MTR: variants seen among roughly 807,000 people sequenced by gnomAD.
MTR encodes methionine synthase.
Under a neutral mutation model 154.8 loss-of-function variants are expected in MTR, and 84 were observed. That is an observed-to-expected ratio of 0.54 (90% CI 0.45 to 0.65). The LOEUF (loss-of-function observed/expected upper bound fraction) is 0.65. Ranked by LOEUF, MTR falls within the 30% of genes least tolerant of loss-of-function variation. The pLI, the probability that MTR is intolerant of heterozygous loss-of-function variation, is 0.00. For synonymous variants in MTR, 554 were observed against 553.9 expected, an observed-to-expected ratio of 1.00 and a Z score of 0.00; for missense variants, 1,275 against 1,570.2, an observed-to-expected ratio of 0.81 and a Z score of 3.18.
At position 236,876,368 on chromosome 1, in the gene MTR, G is replaced by C. The variant is rs140182655; in HGVS notation, c.2594+1522G>C. Among the ~76,000 whole-genome samples, 397 of 152,282 alleles carry C rather than the reference G, an allele frequency of 2.6e-3. 4 individuals carry two copies. The highest frequency in any genetic ancestry group is 8.5e-3 in the African/African-American group (354 of 41,562). On this transcript the variant is annotated intron_variant, in intron 24 of 32. Coordinates refer to ENST00000366577, the MANE Select transcript of MTR (RefSeq NM_000254.3). The stretch of plus-strand genomic sequence containing the variant: ...ACAAAGGACTTATGTACCAGGAAAT[G>C]TGGCAGACTTGGTCTCAAGGGATAT...
In MTR at chr1:236,895,402, G is replaced by C. The variant is rs1311964329; in HGVS notation, c.3450G>C (p.Trp1150Cys). 3 of 1,605,142 alleles carry C rather than the reference G, an allele frequency of 1.9e-6. No individual in the cohort carries two copies. Among genetic ancestry groups the C allele is most frequent in the Non-Finnish European group, 2.6e-6 (3 of 1,175,576 alleles). Residue 1150 changes from tryptophan (W) to cysteine (C), a missense_variant, in exon 31 of 33, where the codon TGG (tryptophan) becomes TGC (cysteine). By Grantham distance (215) the Trp-to-Cys change is radical. Transcript: ENST00000366577. The stretch of plus-strand genomic sequence containing the variant: ...ATGAAAGAGTTCGCCGAGAACTGTG[G>C]GCCTACTGTGGCAGTGAGCAGCTGG... ...ELHERVRRELWAYCGSEQLDV... is the reference protein window; with the variant it reads ...ELHERVRRELCAYCGSEQLDV...
At chr1:236,797,532 A>G (rs570555857) in intron 1 of MTR, among the ~76,000 whole-genome samples, 91 of 152,244 alleles carry the variant, frequency 6.0e-4, no homozygotes, top group African/African-American at 1.8e-3. Context: ...GTGAATTGGT[A>G]TCAATTGATG....
intron 24 of MTR, among the ~76,000 whole-genome samples, chr1:236,880,236 G>A (rs1278374809): frequency 6.6e-6 from 1 of 152,170 alleles, no homozygotes; most frequent in Non-Finnish European, 1.5e-5. Context: ...TTTCAGGTTT[G>A]GGGTTCCATA....
At chr1:236,826,957 A>G (rs1662323924) in intron 11 of MTR, 61 bp downstream of exon 11, 2 of 1,463,646 alleles carry the variant, frequency 1.4e-6, no homozygotes, top group African/African-American at 1.4e-5. Context: ...AATAATCTAA[A>G]TATGTACTTT....
intron 14 of MTR, 122 bp downstream of exon 14, chr1:236,835,809 A>G: frequency 7.6e-7 from 1 of 1,318,410 alleles, no homozygotes; most frequent in South Asian, 1.2e-5. Context: ...CTCAACATCG[A>G]AAACAGGGTA....
At chr1:236,897,308 A>ATGCGCGCGTG (rs57608445) in intron 32 of MTR, among the ~76,000 whole-genome samples, 190 bp downstream of exon 32, 1 of 131,456 alleles carries the variant, frequency 7.6e-6, no homozygotes, top group African/African-American at 3.0e-5. Flanking sequence ...AGCCACACAC[A>ATGCGCGCGTG]CGCACACACA....
rs757981904 is a variant in MTR at position 236,841,534 on chromosome 1, A to C, written c.1515+2935A>C. ...CTCCAAGTCTTCTGACATGAGCTGG[A>C]AGTAGGCCAGCTGCACAGCTGTGAC... On this transcript the variant is annotated intron_variant, in intron 15 of 32. Coordinates refer to ENST00000366577, the MANE Select transcript of MTR (RefSeq NM_000254.3). 1.8e-4 allele frequency among the ~76,000 whole-genome samples: 27 copies of C among 152,296 alleles called. 2 individuals are homozygous for C. The highest frequency in any genetic ancestry group is 5.9e-5 in the Non-Finnish European group (4 of 68,010).
chr1:236,803,120 CA>C (rs1337001303), intron 1 of MTR, among the ~76,000 whole-genome samples: 6 of 152,114 alleles, frequency 3.9e-5, no homozygotes, highest in Admixed American at 3.9e-4. Context: ...GGAAAGAGAG[CA>C]AAGTCTTGTA....
Position 236,822,271 on chromosome 1 carries a change from TG to T in MTR, c.765-1847del, listed in dbSNP as rs1319024994. 5.2e-4 allele frequency among the ~76,000 whole-genome samples: 79 copies of T among 152,114 alleles called. 1 individual carries two copies. The highest frequency in any genetic ancestry group is 1.9e-3 in the African/African-American group (79 of 41,562). ...TTCATATAGATCCAAATATTTCATTTGTTTTGGTGCTAGTGTAAATGGTTTT... is the reference window on the plus strand; with the variant it reads ...TTCATATAGATCCAAATATTTCATTTTTTTGGTGCTAGTGTAAATGGTTTT... On this transcript the variant is annotated intron_variant, in intron 8 of 32. Transcript: ENST00000366577.
chr1:236,798,325 C>G (rs1425389814), intron 1 of MTR, among the ~76,000 whole-genome samples: 1 of 152,168 alleles, frequency 6.6e-6, no homozygotes, highest in East Asian at 1.9e-4. Flanking sequence ...TTGTTTAGGC[C>G]TTCATCTTGT....
chr1:236,808,808 G>A, intron 4 of MTR, 35 bp downstream of exon 4: 2 of 1,592,802 alleles, frequency 1.3e-6, no homozygotes, highest in South Asian at 1.1e-5. Context: ...TGCACACGTG[G>A]TTCCTTTGAT....
intron 16 of MTR, 112 bp downstream of exon 16, chr1:236,850,635 T>G: frequency 9.4e-7 from 1 of 1,062,048 alleles, no homozygotes; most frequent in African/African-American, 1.6e-5. Context: ...TTAACATTCT[T>G]AGTTAGTAAA....
intron 10 of MTR, 132 bp downstream of exon 10, chr1:236,825,531 C>T: frequency 1.1e-6 from 1 of 942,836 alleles, no homozygotes; most frequent in East Asian, 2.5e-5. Flanking sequence ...TTTAGCTATC[C>T]CAAATTAAGG....
chr1:236,843,168 C>T (rs900245051), intron 15 of MTR, among the ~76,000 whole-genome samples: 4 of 151,362 alleles, frequency 2.6e-5, no homozygotes, highest in Admixed American at 2.0e-4. Context: ...AGGATTTGAT[C>T]CCCCCTCAGC....
intron 13 of MTR, among the ~76,000 whole-genome samples, chr1:236,833,955 G>A (rs973525127): frequency 6.6e-5 from 10 of 152,040 alleles, no homozygotes; most frequent in African/African-American, 2.4e-4. Flanking sequence ...CTCCATTTTG[G>A]TTTGTAGAGA....
intron 15 of MTR, among the ~76,000 whole-genome samples, chr1:236,847,013 A>G (rs1482450555): frequency 1.3e-5 from 2 of 152,092 alleles, no homozygotes; most frequent in Non-Finnish European, 2.9e-5. Flanking sequence ...CAGCCTCCCA[A>G]GTAGCTGGGA....
chr1:236,810,458 G>A (rs761186622), intron 4 of MTR, 45 bp from the exon 5 acceptor site: 3 of 1,495,632 alleles, frequency 2.0e-6, no homozygotes, highest in Admixed American at 1.7e-5. Flanking sequence ...GACAAAAAAT[G>A]TTCAGCCACT....
At position 236,902,926 on chromosome 1, in the gene MTR, TTC is replaced by T. The variant is rs1378014942; in HGVS notation, c.*5284_*5285del. 1 of 152,208 alleles carries T rather than the reference TTC, an allele frequency of 6.6e-6. No individual in the cohort carries two copies. Among genetic ancestry groups the T allele is most frequent in the Non-Finnish European group, 1.5e-5 (1 of 68,036 alleles). 9.4% of individuals were successfully genotyped at this position (152,208 alleles called of 1,614,324 possible). A position where few individuals can be genotyped will look rare whatever the true frequency, so the allele number is the denominator to read the frequency against. ...GTCAAATTGTAGAACTGAAAGTATA[TTC>T]TGATTCGGTGTGTGTATAAGGAAAT... is the stretch of plus-strand genomic sequence containing the variant. On this transcript the variant is annotated 3_prime_UTR_variant, in exon 33 of 33. Coordinates refer to ENST00000366577, the MANE Select transcript of MTR (RefSeq NM_000254.3).
intron 27 of MTR, 115 bp downstream of exon 27, chr1:236,886,482 G>T: frequency 1.1e-6 from 1 of 908,314 alleles, no homozygotes; most frequent in African/African-American, 1.6e-5. Flanking sequence ...ACTCTCAACT[G>T]TGTCTAATGC....
Sources: gnomAD v4.1 joint callset for allele counts (sites outside exome capture counted in the v4.1 genomes callset) on GRCh38, gnomAD v4.1.1 for gene constraint, MANE v1.5 for transcripts, NCBI Gene and HGNC (gene_info 2026-07-23, HGNC 2026-07-21) for gene names.